The following CACNA2D4 variants were observed in gnomAD, a reference collection of about 807,000 sequenced individuals.
CACNA2D4 encodes the protein voltage-dependent calcium channel subunit alpha-2/delta-4.
In CACNA2D4, 157 loss-of-function variants were observed where a neutral mutation model predicts 163.8. The ratio of observed to expected loss-of-function variants is 0.96; its 90% CI spans 0.84 to 1.09. The LOEUF (loss-of-function observed/expected upper bound fraction) is 1.09. Among genes scored for constraint, CACNA2D4 ranks in the 50% least tolerant of loss-of-function variants. The pLI, the probability that CACNA2D4 is intolerant of heterozygous loss-of-function variation, is 0.00. For synonymous variants in CACNA2D4, 598 were observed against 586.9 expected, an observed-to-expected ratio of 1.02 and a Z score of -0.27; for missense variants, 1,410 against 1,479.9, an observed-to-expected ratio of 0.95 and a Z score of 0.78.
In CACNA2D4 at chr12:1,798,264, AG is replaced by A. The variant is rs1863196231; in HGVS notation, c.2996-730del. ...TCCTGAGGTGGGCACATGGCAGAGC[AG>A]GGCCCTGCCACACAGGCTGTCTGCA... On this transcript the variant is annotated intron_variant, in intron 34 of 37. Transcript: ENST00000382722. This position sits in a 1 kb window ranked among gnomAD's most constrained non-coding sequence, Gnocchi z 4.3. Among the ~76,000 whole-genome samples, 1 of 152,160 alleles carries A rather than the reference AG, an allele frequency of 6.6e-6. No homozygotes were observed. The highest frequency in any genetic ancestry group is 1.5e-5 in the Non-Finnish European group (1 of 68,012).
intron 26 of CACNA2D4, among the ~76,000 whole-genome samples, chr12:1,838,256 G>A (rs1444236161): frequency 6.6e-6 from 1 of 152,044 alleles, no homozygotes; most frequent in Non-Finnish European, 1.5e-5. Context: ...CGGCAGTGAC[G>A]CGCAGCCCGC....
At chr12:1,868,489 T>G (rs1180401743) in intron 18 of CACNA2D4, among the ~76,000 whole-genome samples, 1 of 151,142 alleles carries the variant, frequency 6.6e-6, no homozygotes, top group Non-Finnish European at 1.5e-5. Flanking sequence ...GAGAAAACGT[T>G]GGTCAAAAGG....
chr12:1,840,616 C>T, intron 26 of CACNA2D4, 123 bp downstream of exon 26: 1 of 731,050 alleles, frequency 1.4e-6, no homozygotes, highest in Non-Finnish European at 2.3e-6. Context: ...TCCACCCATC[C>T]CACATTCCAC....
rs148851152 is a variant in CACNA2D4, at chr12:1,808,825, A to C, written c.2721+1453T>G. Among the ~76,000 whole-genome samples the C allele has an allele frequency of 3.0e-3, 453 of 152,236 alleles. 2 individuals are homozygous for C. The highest frequency in any genetic ancestry group is 5.4e-3 in the Admixed American group (83 of 15,304). On this transcript the variant is annotated intron_variant, in intron 29 of 37. Transcript: ENST00000382722. The stretch of plus-strand genomic sequence containing the variant: ...ACCACTGGTTTCAACTCTTATCATC[A>C]CTGGTTTTCTCCCAGAACAACGGAA...
chr12:1,840,920 GAA>G, intron 25 of CACNA2D4, 101 bp from the exon 26 acceptor site: 1 of 1,017,822 alleles, frequency 9.8e-7, no homozygotes, highest in Non-Finnish European at 1.5e-6. Flanking sequence ...AAAAGCAGGC[GAA>G]GGCATCCTTG....
intron 1 of CACNA2D4, chr12:1,915,337 G>T: frequency 1.5e-6 from 1 of 684,880 alleles, no homozygotes; most frequent in Non-Finnish European, 2.7e-6. Flanking sequence ...GGGCTGACGA[G>T]CCCAGGACTG....
chr12:1,891,456 T>A (rs1236445346), intron 6 of CACNA2D4, among the ~76,000 whole-genome samples: 1 of 152,134 alleles, frequency 6.6e-6, no homozygotes, highest in Non-Finnish European at 1.5e-5. Flanking sequence ...AAGCAAATTT[T>A]AAAAATGGGA....
chr12:1,895,251 T>C (rs1417828454), intron 6 of CACNA2D4, among the ~76,000 whole-genome samples: 1 of 152,178 alleles, frequency 6.6e-6, no homozygotes, highest in Non-Finnish European at 1.5e-5. Context: ...GAAAAGATTT[T>C]ATGTTTATGG....
chr12:1,852,670 A>G (rs1401935715), intron 23 of CACNA2D4, among the ~76,000 whole-genome samples: 1 of 152,184 alleles, frequency 6.6e-6, no homozygotes, highest in Non-Finnish European at 1.5e-5. Flanking sequence ...TTCCTTCTCA[A>G]TATTTCTCCA....
intron 18 of CACNA2D4, among the ~76,000 whole-genome samples, chr12:1,872,971 C>T (rs754671049): frequency 9.2e-5 from 14 of 152,116 alleles, no homozygotes; most frequent in Non-Finnish European, 1.6e-4. Flanking sequence ...GCAGTGGTTA[C>T]GAATGGGAGA....
intron 9 of CACNA2D4, 54 bp downstream of exon 9, chr12:1,885,911 A>G: frequency 7.6e-7 from 1 of 1,312,058 alleles, no homozygotes; most frequent in Non-Finnish European, 1.1e-6. Flanking sequence ...ACAACCGCCC[A>G]CCATCCAGAC....
intron 18 of CACNA2D4, among the ~76,000 whole-genome samples, chr12:1,872,175 A>G (rs1592724605): frequency 6.6e-6 from 1 of 152,260 alleles, no homozygotes; most frequent in South Asian, 2.1e-4. Context: ...TGAGTTGCAC[A>G]TGTTTCAAAC....
At chr12:1,801,683 A>G in intron 29 of CACNA2D4, 39 bp from the exon 30 acceptor site, 1 of 1,433,264 alleles carries the variant, frequency 7.0e-7, no homozygotes, top group Non-Finnish European at 9.6e-7. Flanking sequence ...GGAGGGAGAG[A>G]GATGGAGCAG....
intron 6 of CACNA2D4, among the ~76,000 whole-genome samples, chr12:1,894,735 CTCAACATAATAAAGG>C (rs1299015457): frequency 6.6e-6 from 1 of 152,014 alleles, no homozygotes; most frequent in African/African-American, 2.4e-5. Flanking sequence ...AGGAAAATAC[CTCAACATAATAAAGG>C]TCATATATAA....
At chr12:1,814,556 G>T (rs904940356) in intron 26 of CACNA2D4, among the ~76,000 whole-genome samples, 3 of 152,222 alleles carry the variant, frequency 2.0e-5, no homozygotes, top group Non-Finnish European at 4.4e-5. Flanking sequence ...AACTTAGCGT[G>T]TTCTCCCCCA....
intron 7 of CACNA2D4, among the ~76,000 whole-genome samples, chr12:1,886,583 C>T (rs1009280210): frequency 1.3e-5 from 2 of 152,200 alleles, no homozygotes; most frequent in African/African-American, 4.8e-5. Flanking sequence ...GATGTGCCAC[C>T]TAACAGGCCA....
chr12:1,871,184 C>T (rs1432494657), intron 18 of CACNA2D4, among the ~76,000 whole-genome samples: 1 of 144,860 alleles, frequency 6.9e-6, no homozygotes. Context: ...CCTGTGTACA[C>T]GTGTTGCTGG....
chr12:1,815,037 G>T (rs565190099), intron 26 of CACNA2D4, among the ~76,000 whole-genome samples: 2 of 152,164 alleles, frequency 1.3e-5, no homozygotes, highest in Admixed American at 1.3e-4. Flanking sequence ...TTACAGGCGC[G>T]TGTGATACCA....
At chr12:1,800,550 T>G in intron 31 of CACNA2D4, 112 bp from the exon 32 acceptor site, 1 of 1,042,580 alleles carries the variant, frequency 9.6e-7, no homozygotes, top group Non-Finnish European at 1.5e-6. Context: ...GCCCTGCCAC[T>G]GGGAGCAGGG....
Sources: gnomAD v4.1 joint callset for allele counts (sites outside exome capture counted in the v4.1 genomes callset) on GRCh38, gnomAD v4.1.1 for gene constraint, Gnocchi (gnomAD v3.1) non-coding constraint, MANE v1.5 for transcripts, NCBI Gene and HGNC (gene_info 2026-07-23, HGNC 2026-07-21) for gene names.